Variants in WWOX observed in about 807,000 individuals in gnomAD.
The protein encoded by WWOX is WW domain containing oxidoreductase, also known as WW domain-containing oxidoreductase.
WWOX carries 69 observed loss-of-function variants against 46.2 expected under a neutral mutation model. The observed-to-expected ratio is 1.49, with a 90% confidence interval of 1.23 to 1.82. The LOEUF (loss-of-function observed/expected upper bound fraction) is 1.82, where lower values mean the gene tolerates loss of function less well. Ranked by LOEUF, WWOX falls within the 40% of genes most tolerant of loss-of-function variation. The pLI, the probability that WWOX is intolerant of heterozygous loss-of-function variation, is 0.00. For missense variants in WWOX, 919 were observed against 542.6 expected, an observed-to-expected ratio of 1.69 and a Z score of -6.89; for synonymous variants, 359 against 202.6, an observed-to-expected ratio of 1.77 and a Z score of -6.56.
intron 5 of WWOX, among the ~76,000 whole-genome samples, chr16:78,333,486 A>C (rs1378730114): frequency 6.6e-6 from 1 of 152,194 alleles, no homozygotes; most frequent in African/African-American, 2.4e-5. Flanking sequence ...TTAACTGGTA[A>C]AAAATATTTT....
intron 8 of WWOX, among the ~76,000 whole-genome samples, chr16:79,099,518 GTTTC>G (rs1247999767): frequency 6.6e-6 from 1 of 151,860 alleles, no homozygotes; most frequent in Non-Finnish European, 1.5e-5. Context: ...ATGCTGGCCA[GTTTC>G]TTTAATTTTT....
At chr16:79,095,836 A>T (rs2049056690) in intron 8 of WWOX, among the ~76,000 whole-genome samples, 1 of 147,048 alleles carries the variant, frequency 6.8e-6, no homozygotes, top group South Asian at 2.2e-4. Flanking sequence ...TCCCGCCTGG[A>T]TCACTGCTCA....
At chr16:78,931,242 G>T (rs1416768468) in intron 8 of WWOX, among the ~76,000 whole-genome samples, 2 of 152,164 alleles carry the variant, frequency 1.3e-5, no homozygotes, top group Admixed American at 1.3e-4. Context: ...TGCTGTGTGG[G>T]GAGGGATAAT....
At chr16:78,973,019 A>G (rs1213166914) in intron 8 of WWOX, among the ~76,000 whole-genome samples, 1 of 152,146 alleles carries the variant, frequency 6.6e-6, no homozygotes. Context: ...AGAGTTAATT[A>G]TTTTTCCTGC....
chr16:79,110,478 T>C (rs1298480737), intron 8 of WWOX, among the ~76,000 whole-genome samples: 5 of 152,238 alleles, frequency 3.3e-5, no homozygotes, highest in African/African-American at 7.2e-5. Flanking sequence ...GCAGAGAACA[T>C]GCTGTTCTCT....
chr16:78,842,758 A>G (rs1053304418), intron 8 of WWOX, among the ~76,000 whole-genome samples: 1 of 133,304 alleles, frequency 7.5e-6, no homozygotes, highest in East Asian at 2.1e-4. Flanking sequence ...AGGCTGAGGC[A>G]GTAGATTCAT....
At chr16:78,307,391 C>T (rs1056968662) in intron 5 of WWOX, among the ~76,000 whole-genome samples, 2 of 152,034 alleles carry the variant, frequency 1.3e-5, no homozygotes, top group East Asian at 1.9e-4. Flanking sequence ...CCTGAATTAC[C>T]GAAGTGGGCC....
chr16:78,424,730 G>A lies in WWOX; in HGVS notation c.606-140G>A. The A allele has an allele frequency of 3.0e-6, 3 of 997,330 alleles. No individual in the cohort carries two copies. The Admixed American group carries it at 5.1e-5, about 17-fold the overall frequency. The allele number at this position is 997,330 out of a possible 1,614,324, so 61.8% of individuals were successfully genotyped here. On this transcript the variant is annotated intron_variant, in intron 6 of 8. Coordinates refer to ENST00000566780, the MANE Select transcript of WWOX (RefSeq NM_016373.4). The stretch of plus-strand genomic sequence containing the variant: ...GGTGGGAATCTAGAAGACGGAGAAA[G>A]AATTTCTCATTCCCGAAGGAGCATG...
At chr16:78,308,605 C>G (rs1373684936) in intron 5 of WWOX, among the ~76,000 whole-genome samples, 1 of 152,176 alleles carries the variant, frequency 6.6e-6, no homozygotes, top group Non-Finnish European at 1.5e-5. Flanking sequence ...AAAGCTGTTT[C>G]TTGTCTACAT....
At chr16:78,744,732 A>G (rs945966252) in intron 8 of WWOX, among the ~76,000 whole-genome samples, 10 of 152,070 alleles carry the variant, frequency 6.6e-5, no homozygotes, top group Admixed American at 2.6e-4. Context: ...GTGTATTTCT[A>G]TTACCAGCCT....
intron 4 of WWOX, among the ~76,000 whole-genome samples, chr16:78,117,642 C>T (rs182113056): frequency 6.6e-6 from 1 of 152,146 alleles, no homozygotes; most frequent in Non-Finnish European, 1.5e-5. Context: ...TAGATAAAGT[C>T]CTTCTACTAA....
chr16:78,820,224 T>C (rs1254775573), intron 8 of WWOX, among the ~76,000 whole-genome samples: 5 of 152,046 alleles, frequency 3.3e-5, no homozygotes, highest in Non-Finnish European at 5.9e-5. Flanking sequence ...GCAAGAACAG[T>C]CATGGACACT....
intron 8 of WWOX, chr16:78,825,898 G>C (rs895978532): frequency 1.4e-5 from 10 of 697,438 alleles, no homozygotes; most frequent in African/African-American, 7.1e-5. Context: ...CTGACCACGT[G>C]AGCATCATGG....
rs202173577 is a variant in WWOX, at chr16:78,169,488, C to A, written c.516+5199C>A. ...CAGGACCTCTGAGATCTCAGGACCTCTGCATGTAAAGAACAAGAGCTTATT... is the reference window on the plus strand; with the variant it reads ...CAGGACCTCTGAGATCTCAGGACCTATGCATGTAAAGAACAAGAGCTTATT... On this transcript the variant is annotated intron_variant, in intron 5 of 8. Transcript: ENST00000566780. 7.8e-4 allele frequency among the ~76,000 whole-genome samples: 14 copies of A among 17,976 alleles called. No individual in the cohort carries two copies. The South Asian group carries it at 0.011, about 14-fold the overall frequency. 11.8% of individuals were successfully genotyped at this position (17,976 alleles called of 152,430 possible).
At chr16:78,783,488 C>A (rs1383611118) in intron 8 of WWOX, among the ~76,000 whole-genome samples, 1 of 152,154 alleles carries the variant, frequency 6.6e-6, no homozygotes, top group East Asian at 1.9e-4. Context: ...GAAAGTAGCT[C>A]TTTGTACCAA....
intron 8 of WWOX, among the ~76,000 whole-genome samples, chr16:78,625,162 G>A (rs190697124): frequency 2.6e-5 from 4 of 152,284 alleles, no homozygotes; most frequent in South Asian, 4.1e-4. Flanking sequence ...CACCAATCAC[G>A]CTGAGGGATC....
chr16:78,864,475 C>A (rs1356737189), intron 8 of WWOX, among the ~76,000 whole-genome samples: 2 of 152,020 alleles, frequency 1.3e-5, no homozygotes, highest in Non-Finnish European at 2.9e-5. Context: ...CTCCATGTTG[C>A]CAAGGCTGAT....
chr16:78,216,138 G>A (rs1180614701), intron 5 of WWOX, among the ~76,000 whole-genome samples: 3 of 152,100 alleles, frequency 2.0e-5, no homozygotes, highest in African/African-American at 7.2e-5. Flanking sequence ...ATCTCAATTT[G>A]TTTCTGATTC....
chr16:78,446,105 T>G (rs1246043941), intron 8 of WWOX, among the ~76,000 whole-genome samples: 1 of 152,222 alleles, frequency 6.6e-6, no homozygotes, highest in Non-Finnish European at 1.5e-5. Flanking sequence ...TGATGTGTTT[T>G]TCTTCCTTTG....
Sources: gnomAD v4.1 joint callset for allele counts (sites outside exome capture counted in the v4.1 genomes callset) on GRCh38, gnomAD v4.1.1 for gene constraint, MANE v1.5 for transcripts, NCBI Gene and HGNC (gene_info 2026-07-23, HGNC 2026-07-21) for gene names.